GABPB1: variants seen among roughly 807,000 people sequenced by gnomAD.
The protein encoded by GABPB1 is GA binding protein transcription factor subunit beta 1.
Under a neutral mutation model 45.9 loss-of-function variants are expected in GABPB1, and 15 were observed. The ratio of observed to expected loss-of-function variants is 0.33; its 90% CI spans 0.22 to 0.50. The LOEUF is 0.50. Among genes scored for constraint, GABPB1 ranks in the 20% least tolerant of loss-of-function variants. The pLI, the probability that GABPB1 is intolerant of heterozygous loss-of-function variation, is 0.98. For synonymous variants in GABPB1, 143 were observed against 154.4 expected, an observed-to-expected ratio of 0.93 and a Z score of 0.55; for missense variants, 252 against 457.5, an observed-to-expected ratio of 0.55 and a Z score of 4.10.
intron 1 of GABPB1, among the ~76,000 whole-genome samples, chr15:50,339,945 C>T (rs2048290967): frequency 6.6e-6 from 1 of 152,208 alleles, no homozygotes; most frequent in Non-Finnish European, 1.5e-5. Flanking sequence ...CTTCCCTCTG[C>T]CTCATCTTCT....
chr15:50,346,950 C>A (rs1274317901), intron 1 of GABPB1, among the ~76,000 whole-genome samples: 1 of 151,888 alleles, frequency 6.6e-6, no homozygotes, highest in Non-Finnish European at 1.5e-5. Flanking sequence ...CCACTGTGCC[C>A]GGCTAATTTT....
chr15:50,294,224 T>C (rs1595747874), intron 6 of GABPB1, among the ~76,000 whole-genome samples: 1 of 152,074 alleles, frequency 6.6e-6, no homozygotes, highest in Non-Finnish European at 1.5e-5. Context: ...AATAATAAAA[T>C]AGAAACTATG....
At chr15:50,311,388 T>C (rs2047126589) in intron 1 of GABPB1, among the ~76,000 whole-genome samples, 1 of 152,176 alleles carries the variant, frequency 6.6e-6, no homozygotes. Context: ...AAAAAAAGTA[T>C]ATACTCTGAG....
intron 1 of GABPB1, among the ~76,000 whole-genome samples, chr15:50,345,019 G>A (rs2048513709): frequency 6.6e-6 from 1 of 152,090 alleles, no homozygotes; most frequent in South Asian, 2.1e-4. Context: ...AACTACTGGA[G>A]CATCAAACAT....
At chr15:50,287,527 G>T (rs1200090799) in intron 7 of GABPB1, among the ~76,000 whole-genome samples, 1 of 152,174 alleles carries the variant, frequency 6.6e-6, no homozygotes, top group Non-Finnish European at 1.5e-5. Context: ...TTAGGACACA[G>T]ATAACACAAA....
intron 6 of GABPB1, among the ~76,000 whole-genome samples, chr15:50,297,136 C>T (rs904337164): frequency 2.0e-5 from 3 of 151,634 alleles, no homozygotes; most frequent in Non-Finnish European, 4.4e-5. Context: ...GTCTTGAACT[C>T]CTGACCCCAA....
At chr15:50,351,139 T>TA (rs1214082928) in intron 1 of GABPB1, 2 of 152,198 alleles carry the variant, frequency 1.3e-5, no homozygotes, top group African/African-American at 4.8e-5. Flanking sequence ...ATGATTCTGA[T>TA]AAAGTCTGAG....
intron 1 of GABPB1, among the ~76,000 whole-genome samples, chr15:50,339,700 AATATTT>A (rs2048281936): frequency 6.6e-6 from 1 of 152,180 alleles, no homozygotes; most frequent in Non-Finnish European, 1.5e-5. Context: ...ACAGATAAAA[AATATTT>A]ATTGATGACT....
chr15:50,326,871 A>G (rs964240568), intron 1 of GABPB1, among the ~76,000 whole-genome samples: 3 of 152,038 alleles, frequency 2.0e-5, no homozygotes, highest in African/African-American at 7.2e-5. Context: ...ACTGCACATG[A>G]TGAATTGCCC....
In GABPB1 at chr15:50,332,255, C is replaced by T. The variant is rs527458988; in HGVS notation, c.1-22457G>A. 7.9e-5 allele frequency among the ~76,000 whole-genome samples: 12 copies of T among 152,132 alleles called. No individual in the cohort carries two copies. The South Asian group carries it at 2.5e-3, about 32-fold the overall frequency. On this transcript the variant is annotated intron_variant, in intron 1 of 8. Transcript: ENST00000380877. Reference sequence around the variant, plus strand: ...CTTTTTAGCATTCTATTTATTTCCTCTACTGATTTGGAAGTTATACCCTCT... The same window carrying T: ...CTTTTTAGCATTCTATTTATTTCCTTTACTGATTTGGAAGTTATACCCTCT...
intron 1 of GABPB1, among the ~76,000 whole-genome samples, chr15:50,345,071 C>T (rs761209569): frequency 5.3e-5 from 8 of 151,974 alleles, no homozygotes; most frequent in Non-Finnish European, 1.0e-4. Flanking sequence ...TATAAAACAT[C>T]TAAGAGGGGA....
At chr15:50,326,053 GC>G (rs1167929521) in intron 1 of GABPB1, among the ~76,000 whole-genome samples, 4 of 128,548 alleles carry the variant, frequency 3.1e-5, no homozygotes, top group African/African-American at 1.2e-4. Context: ...GAATATAGGC[GC>G]CCACCACCAC....
At chr15:50,310,189 T>C (rs1595778715) in intron 1 of GABPB1, among the ~76,000 whole-genome samples, 1 of 152,118 alleles carries the variant, frequency 6.6e-6, no homozygotes, top group Non-Finnish European at 1.5e-5. Flanking sequence ...GCCTCCTGGG[T>C]TCATGTGATT....
At chr15:50,322,031 A>G (rs1320807278) in intron 1 of GABPB1, among the ~76,000 whole-genome samples, 2 of 152,202 alleles carry the variant, frequency 1.3e-5, no homozygotes, top group Non-Finnish European at 2.9e-5. Context: ...AGTCAAAAGA[A>G]AAAATTGTGA....
At chr15:50,282,565 A>AAAAAAAAAAAAAAG (rs1567472459) in intron 8 of GABPB1, among the ~76,000 whole-genome samples, 1 of 150,826 alleles carries the variant, frequency 6.6e-6, no homozygotes. Context: ...AAAAAGAAAA[A>AAAAAAAAAAAAAAG]AAAAAAAAAA....
intron 1 of GABPB1, among the ~76,000 whole-genome samples, chr15:50,311,037 G>A (rs1393107756): frequency 6.6e-6 from 1 of 151,592 alleles, no homozygotes; most frequent in Non-Finnish European, 1.5e-5. Flanking sequence ...TATCTGAAAA[G>A]GCTAATGTCC....
At chr15:50,301,118 G>A (rs771954166) in intron 5 of GABPB1, 139 bp downstream of exon 5, 2 of 1,213,698 alleles carry the variant, frequency 1.6e-6, no homozygotes. Context: ...AACAAAGGTG[G>A]CTGATAGAAT....
chr15:50,317,368 C>T (rs2047371795), intron 1 of GABPB1, among the ~76,000 whole-genome samples: 2 of 146,866 alleles, frequency 1.4e-5, no homozygotes, highest in South Asian at 4.3e-4. Flanking sequence ...TCTGCCATTG[C>T]ACTCCAGCCT....
At chr15:50,322,341 G>T (rs983295320) in intron 1 of GABPB1, among the ~76,000 whole-genome samples, 2 of 151,546 alleles carry the variant, frequency 1.3e-5, no homozygotes, top group African/African-American at 4.9e-5. Context: ...ATAACTTGAG[G>T]TCAGGAGTTT....
Sources: allele counts gnomAD v4.1 joint callset (sites outside exome capture counted in the v4.1 genomes callset), GRCh38; gene constraint gnomAD v4.1.1; transcripts MANE v1.5; gene names NCBI Gene and HGNC (gene_info 2026-07-23, HGNC 2026-07-21).